CFAP221: variants seen among roughly 807,000 people sequenced by gnomAD.
The protein encoded by CFAP221 is cilia- and flagella-associated protein 221.
In CFAP221, 97 loss-of-function variants were observed where a neutral mutation model predicts 113.1. The observed-to-expected ratio is 0.86, with a 90% confidence interval of 0.73 to 1.02. The LOEUF (loss-of-function observed/expected upper bound fraction) is 1.02. CFAP221 is among the 50% of genes least tolerant of loss of function. The pLI is 0.00. For synonymous variants in CFAP221, 331 were observed against 354.4 expected (o/e 0.93, Z 0.74); for missense variants, 1,025 against 1,013.4 (o/e 1.01, Z -0.16).
chr2:119,576,979 T>C (rs1229137005), intron 6 of CFAP221, among the ~76,000 whole-genome samples: 2 of 152,266 alleles, frequency 1.3e-5, no homozygotes, highest in Non-Finnish European at 2.9e-5. Flanking sequence ...TCTCTATGTG[T>C]ATGCCGGTCC....
rs1322647394 is a variant in CFAP221, at chr2:119,586,083, C to A, written c.528-1036C>A. Among the ~76,000 whole-genome samples, 91 of 152,058 alleles carry A rather than the reference C, an allele frequency of 6.0e-4. 1 individual carries two copies. The highest frequency in any genetic ancestry group is 1.6e-4 in the Non-Finnish European group (11 of 68,012). On this transcript the variant is annotated intron_variant, in intron 6 of 23. Transcript: ENST00000413369. Reference sequence around the variant, plus strand: ...CTAAAAGGATAAGAGGCAGGGCCAGCCTCGAGGCAGGAGGGCTGTGATGGG... The same window carrying A: ...CTAAAAGGATAAGAGGCAGGGCCAGACTCGAGGCAGGAGGGCTGTGATGGG...
intron 16 of CFAP221, among the ~76,000 whole-genome samples, chr2:119,628,054 G>A (rs1574176552): frequency 6.6e-6 from 1 of 152,294 alleles, no homozygotes; most frequent in Non-Finnish European, 1.5e-5. Flanking sequence ...CCGCCCAACT[G>A]CCCTGGAACT....
chr2:119,638,101 A>G, intron 19 of CFAP221, 158 bp from the exon 20 acceptor site: 1 of 578,626 alleles, frequency 1.7e-6, no homozygotes, highest in Non-Finnish European at 2.8e-6. Context: ...ACTTGAAGAC[A>G]CCTCTGCTCT....
intron 8 of CFAP221, 28 bp downstream of exon 8, chr2:119,601,405 T>C (rs2104663135): frequency 6.8e-7 from 1 of 1,480,786 alleles, no homozygotes; most frequent in South Asian, 1.3e-5. Flanking sequence ...TGTTTTTGTT[T>C]ATTTTTAACC....
At position 119,583,448 on chromosome 2, in the gene CFAP221, C is replaced by A. The variant is rs200332396; in HGVS notation, c.528-3671C>A. ...ATGACTCACACTGGGATTATAGGCA[C>A]AAGCCACTGTGCCTGGCCTAGACTG... On this transcript the variant is annotated intron_variant, in intron 6 of 23. Transcript: ENST00000413369. 2.4e-3 allele frequency among the ~76,000 whole-genome samples: 336 copies of A among 138,670 alleles called. 3 individuals carry two copies. In the East Asian group the frequency reaches 0.045, roughly 19 times the overall value. 91.0% of individuals were successfully genotyped at this position (138,670 alleles called of 152,430 possible). A position where few individuals can be genotyped will look rare whatever the true frequency, so the allele number is the denominator to read the frequency against.
In CFAP221 at chr2:119,606,719, T is replaced by C. The variant is rs529510993; in HGVS notation, c.1133+1430T>C. Among the ~76,000 whole-genome samples, 267 of 152,348 alleles carry C rather than the reference T, an allele frequency of 1.8e-3. 1 individual carries two copies. The highest frequency in any genetic ancestry group is 5.9e-3 in the Admixed American group (91 of 15,310). On this transcript the variant is annotated intron_variant, in intron 11 of 23. Transcript: ENST00000413369. Reference sequence around the variant, plus strand: ...ACTGTCAGTGCTGGTGTTTTTGTTCTTTCTATGCATCTCTGTATCAGACTT... The same window carrying C: ...ACTGTCAGTGCTGGTGTTTTTGTTCCTTCTATGCATCTCTGTATCAGACTT...
chr2:119,660,300 C>T (rs1688562210), downstream of CFAP221: 1 of 152,232 alleles, frequency 6.6e-6, no homozygotes, highest in Non-Finnish European at 1.5e-5. Flanking sequence ...AATCGACTTC[C>T]AAATAATATT....
chr2:119,627,843 A>T, intron 16 of CFAP221, 57 bp downstream of exon 16: 1 of 1,600,420 alleles, frequency 6.2e-7, no homozygotes. Context: ...CGTGTTGGGC[A>T]GATACAAGGC....
chr2:119,569,155 A>T (rs941429008), intron 6 of CFAP221, among the ~76,000 whole-genome samples: 1 of 150,870 alleles, frequency 6.6e-6, no homozygotes, highest in Non-Finnish European at 1.5e-5. Context: ...TATTTTTGAG[A>T]TGGAGTCTCG....
intron 6 of CFAP221, chr2:119,572,439 ATAAG>A (rs1479805316): frequency 3.5e-6 from 2 of 578,104 alleles, no homozygotes; most frequent in African/African-American, 1.8e-5. Flanking sequence ...TCTTCTTATA[ATAAG>A]TAAATATGGA....
intron 21 of CFAP221, 34 bp from the exon 22 acceptor site, chr2:119,646,922 ACT>A (rs764079328): frequency 1.9e-6 from 3 of 1,551,642 alleles, no homozygotes; most frequent in East Asian, 4.5e-5. Flanking sequence ...TTCTAGTGTG[ACT>A]CTATCTTTGA....
chr2:119,645,803 C>T (rs59301232), intron 21 of CFAP221, among the ~76,000 whole-genome samples: 4 of 152,058 alleles, frequency 2.6e-5, no homozygotes, highest in Non-Finnish European at 5.9e-5. Flanking sequence ...GCTCCAGGCT[C>T]TGTCATTCTT....
chr2:119,627,721 T>G lies in CFAP221; in HGVS notation c.1585T>G (p.Ser529Ala). ...TGATTATACCAGCCGGTTCTCTGTGTCGCCCAAGGAGGTGCTGCCCTTCGC... is the reference window on the plus strand; with the variant it reads ...TGATTATACCAGCCGGTTCTCTGTGGCGCCCAAGGAGGTGCTGCCCTTCGC... ...QDDYTSRFSV[S>A]PKEVLPFAFP... is the part of the protein sequence containing the mutation. The change falls in exon 16 of 24, where the codon TCG (serine) becomes GCG (alanine). Residue 529 changes from serine (S) to alanine (A), a missense_variant. Ser to Ala is a moderately conservative substitution (Grantham distance 99). Coordinates refer to ENST00000413369, the MANE Select transcript of CFAP221 (RefSeq NM_001271049.2). The G allele has an allele frequency of 6.2e-7, 1 of 1,613,806 alleles. No homozygotes were observed. Among genetic ancestry groups the G allele is most frequent in the South Asian group, 1.1e-5 (1 of 91,030 alleles).
chr2:119,627,568 T>C (rs1015663827), intron 15 of CFAP221, 85 bp from the exon 16 acceptor site: 1 of 1,316,092 alleles, frequency 7.6e-7, no homozygotes, highest in Non-Finnish European at 1.1e-6. Flanking sequence ...CTAATTGGTA[T>C]ATGGAAAATA....
Position 119,627,805 on chromosome 2 carries a change from G to T in CFAP221, c.1650+19G>T, listed in dbSNP as rs750984208. On this transcript the variant is annotated intron_variant, in intron 16 of 23. Transcript: ENST00000413369. ...CGAGTTGGTAGGTGCCGTCAGGCTTGGGGGCGGGGAGTGGACATGATCATG... is the reference window on the plus strand; with the variant it reads ...CGAGTTGGTAGGTGCCGTCAGGCTTTGGGGCGGGGAGTGGACATGATCATG... The T allele has an allele frequency of 5.0e-6, 8 of 1,612,714 alleles. No individual in the cohort carries two copies. Among genetic ancestry groups the T allele is most frequent in the Non-Finnish European group, 6.8e-6 (8 of 1,179,338 alleles).
chr2:119,616,515 T>C (rs1685538106), intron 14 of CFAP221, among the ~76,000 whole-genome samples: 2 of 152,196 alleles, frequency 1.3e-5, no homozygotes, highest in Non-Finnish European at 2.9e-5. Context: ...TTCTGTGGCT[T>C]CCTCACCCTC....
Position 119,611,734 on chromosome 2 carries a change from C to G in CFAP221, c.1303C>G (p.Gln435Glu), listed in dbSNP as rs1349102791. The change falls in exon 13 of 24, where the codon CAA becomes GAA. Residue 435 changes from glutamine (Q) to glutamate (E), a missense_variant. Transcript: ENST00000413369. ...EVSHKRVVRNQEEKIKEFHPT... is the reference protein window; with the variant it reads ...EVSHKRVVRNEEEKIKEFHPT... ...TAGCCATAAACGGGTTGTTCGCAAT[C>G]AAGAAGAGGTGGGTAACTTTCCTTT... 1 of 1,611,302 alleles carries G rather than the reference C, an allele frequency of 6.2e-7. No individual in the cohort carries two copies. The highest frequency in any genetic ancestry group is 1.1e-5 in the South Asian group (1 of 90,580).
intron 16 of CFAP221, 123 bp downstream of exon 16, chr2:119,627,909 T>A (rs1368192609): frequency 7.5e-7 from 1 of 1,341,238 alleles, no homozygotes; most frequent in South Asian, 1.4e-5. Flanking sequence ...CAAAGGAAGA[T>A]GAGGAGAGTA....
intron 3 of CFAP221, among the ~76,000 whole-genome samples, chr2:119,558,761 T>A (rs1443855118): frequency 6.6e-6 from 1 of 152,052 alleles, no homozygotes; most frequent in African/African-American, 2.4e-5. Context: ...GTTCGAGGCT[T>A]CAGTGAGCTA....
Sources: gnomAD v4.1 joint callset for allele counts (sites outside exome capture counted in the v4.1 genomes callset) on GRCh38, gnomAD v4.1.1 for gene constraint, MANE v1.5 for transcripts, NCBI Gene and HGNC (gene_info 2026-07-23, HGNC 2026-07-21) for gene names.